Variants in RSRC1 observed in about 807,000 individuals in gnomAD.
RSRC1 encodes arginine and serine rich coiled-coil 1, also known as serine/Arginine-related protein 53.
Under a neutral mutation model 49.1 loss-of-function variants are expected in RSRC1, and 39 were observed. The observed-to-expected ratio is 0.79, with a 90% CI of 0.61 to 1.04. The LOEUF (loss-of-function observed/expected upper bound fraction) is 1.04, where lower values mean the gene tolerates loss of function less well. Ranked by LOEUF, RSRC1 falls within the 50% of genes least tolerant of loss-of-function variation. The pLI is 0.00. For missense variants in RSRC1, 388 were observed against 402.4 expected (o/e 0.96, Z 0.31); for synonymous variants, 143 against 130.8 (o/e 1.09, Z -0.63).
intron 1 of RSRC1, among the ~76,000 whole-genome samples, chr3:158,121,533 ATT>A (rs1715259786): frequency 6.6e-6 from 1 of 152,176 alleles, no homozygotes; most frequent in African/African-American, 2.4e-5. Context: ...TGAAATGATG[ATT>A]ATAGTTCATT....
chr3:158,464,136 A>G (rs1016985991), intron 7 of RSRC1, among the ~76,000 whole-genome samples: 3 of 151,996 alleles, frequency 2.0e-5, no homozygotes, highest in Non-Finnish European at 2.9e-5. Flanking sequence ...TTTTCTCTGT[A>G]TGTGTTTGAA....
chr3:158,257,385 A>G (rs538163390), intron 4 of RSRC1, among the ~76,000 whole-genome samples: 3 of 152,252 alleles, frequency 2.0e-5, no homozygotes, highest in African/African-American at 4.8e-5. Context: ...TGACCTCTTC[A>G]TTATATAATG....
At chr3:158,140,901 T>G (rs1716703824) in intron 3 of RSRC1, among the ~76,000 whole-genome samples, 1 of 152,200 alleles carries the variant, frequency 6.6e-6, no homozygotes, top group Non-Finnish European at 1.5e-5. Context: ...AGAGAGGATT[T>G]AAAATGACTC....
chr3:158,144,658 G>A (rs1441004061), intron 3 of RSRC1, among the ~76,000 whole-genome samples: 3 of 152,156 alleles, frequency 2.0e-5, no homozygotes, highest in East Asian at 3.8e-4. Flanking sequence ...CCAGTAATGG[G>A]ATTGCTGGGT....
intron 4 of RSRC1, among the ~76,000 whole-genome samples, chr3:158,243,047 G>A (rs1337655915): frequency 6.6e-6 from 1 of 152,088 alleles, no homozygotes; most frequent in African/African-American, 2.4e-5. Flanking sequence ...AAGCTCTTTA[G>A]TTTTATCAGA....
At chr3:158,276,073 T>C (rs1480278579) in intron 4 of RSRC1, 1 of 871,864 alleles carries the variant, frequency 1.1e-6, no homozygotes, top group Non-Finnish European at 1.9e-6. Context: ...CCAGTAAGAA[T>C]TCAGGACTCT....
intron 4 of RSRC1, among the ~76,000 whole-genome samples, chr3:158,294,136 T>C (rs1188003817): frequency 1.3e-5 from 2 of 152,100 alleles, no homozygotes; most frequent in Non-Finnish European, 2.9e-5. Flanking sequence ...ACCCTCCTTC[T>C]AGGATTCTTA....
intron 7 of RSRC1, among the ~76,000 whole-genome samples, chr3:158,487,946 C>CAAAAAA (rs1303656428): frequency 7.8e-4 from 9 of 11,480 alleles, no homozygotes; most frequent in Admixed American, 1.3e-3. Flanking sequence ...GACTCCATCT[C>CAAAAAA]AAGAAAAAAA....
At chr3:158,363,094 A>G (rs139917211) in intron 6 of RSRC1, among the ~76,000 whole-genome samples, 6 of 152,236 alleles carry the variant, frequency 3.9e-5, no homozygotes, top group African/African-American at 1.2e-4. Flanking sequence ...ATAGTTTTCA[A>G]AGCACTTTAA....
chr3:158,226,437 T>G (rs1453004922), intron 4 of RSRC1, among the ~76,000 whole-genome samples: 1 of 151,968 alleles, frequency 6.6e-6, no homozygotes, highest in Non-Finnish European at 1.5e-5. Flanking sequence ...GCCATTTTTA[T>G]CCCTTTACAT....
intron 4 of RSRC1, among the ~76,000 whole-genome samples, chr3:158,282,756 A>G (rs1448372176): frequency 6.6e-6 from 1 of 152,218 alleles, no homozygotes; most frequent in Non-Finnish European, 1.5e-5. Context: ...TTTTAGGTAG[A>G]TGAATGGATG....
chr3:158,166,175 T>G (rs1026476520), intron 3 of RSRC1, among the ~76,000 whole-genome samples: 5 of 152,204 alleles, frequency 3.3e-5, no homozygotes, highest in Admixed American at 3.3e-4. Flanking sequence ...CATTTACTTT[T>G]AAAAGTTTCT....
At chr3:158,486,947 C>T (rs1019400203) in intron 7 of RSRC1, among the ~76,000 whole-genome samples, 1 of 152,132 alleles carries the variant, frequency 6.6e-6, no homozygotes, top group Non-Finnish European at 1.5e-5. Flanking sequence ...CTGGATCTTC[C>T]ACCGCAGCAT....
chr3:158,511,107 G>GT (rs1740145260), intron 7 of RSRC1, among the ~76,000 whole-genome samples: 2 of 135,400 alleles, frequency 1.5e-5, no homozygotes, highest in East Asian at 2.1e-4. Flanking sequence ...CTCATTTGTT[G>GT]GTTTTTTTTT....
At chr3:158,335,010 C>G (rs894924745) in intron 5 of RSRC1, among the ~76,000 whole-genome samples, 2 of 152,160 alleles carry the variant, frequency 1.3e-5, no homozygotes, top group South Asian at 4.2e-4. Flanking sequence ...TCTATTTCAT[C>G]TACTTAACTT....
chr3:158,118,462 T>TGTGTGTGTGTGTGTGTGTGC lies in RSRC1; in HGVS notation c.-2-3640_-2-3639insTGTGTGTGTGTGTGTGTGCG, dbSNP rs1491469875. On this transcript the variant is annotated intron_variant, in intron 1 of 9. Transcript: ENST00000611884. ...GTGTGTGTGTGTGTGTGTGTGTGTG[T>TGTGTGTGTGTGTGTGTGTGC]GCGCGTGCGCGTGGTTTTTTTAAAT... Among the ~76,000 whole-genome samples, 311 of 124,684 alleles carry TGTGTGTGTGTGTGTGTGTGC rather than the reference T, an allele frequency of 2.5e-3. 11 individuals are homozygous for TGTGTGTGTGTGTGTGTGTGC. Among genetic ancestry groups the TGTGTGTGTGTGTGTGTGTGC allele is most frequent in the African/African-American group, 6.3e-3 (190 of 30,240 alleles). 81.8% of individuals were successfully genotyped at this position (124,684 alleles called of 152,430 possible). A position where few individuals can be genotyped will look rare whatever the true frequency, so the allele number is the denominator to read the frequency against.
intron 5 of RSRC1, among the ~76,000 whole-genome samples, chr3:158,343,822 C>T (rs1007611113): frequency 3.3e-5 from 5 of 152,048 alleles, no homozygotes; most frequent in African/African-American, 1.2e-4. Flanking sequence ...TGTGGTACAA[C>T]TTTAGGTAGC....
At chr3:158,183,310 C>A (rs1719737314) in intron 3 of RSRC1, among the ~76,000 whole-genome samples, 1 of 151,706 alleles carries the variant, frequency 6.6e-6, no homozygotes, top group Non-Finnish European at 1.5e-5. Flanking sequence ...ATGCTAAGTT[C>A]AACTAAAATG....
At chr3:158,518,969 A>G (rs562945531) in intron 7 of RSRC1, among the ~76,000 whole-genome samples, 1 of 152,174 alleles carries the variant, frequency 6.6e-6, no homozygotes, top group East Asian at 1.9e-4. Flanking sequence ...CCAAATTTTT[A>G]TCTGAAGTAC....
Sources: allele counts gnomAD v4.1 joint callset (sites outside exome capture counted in the v4.1 genomes callset), GRCh38; gene constraint gnomAD v4.1.1; transcripts MANE v1.5; gene names NCBI Gene and HGNC (gene_info 2026-07-23, HGNC 2026-07-21).